STXBP5L: variants seen among roughly 807,000 people sequenced by gnomAD.
STXBP5L encodes syntaxin binding protein 5L, also known as syntaxin-binding protein 5-like.
In STXBP5L, 65 loss-of-function variants were observed where a neutral mutation model predicts 144.5. The observed-to-expected ratio is 0.45, with a 90% CI of 0.37 to 0.55. The LOEUF (loss-of-function observed/expected upper bound fraction) is 0.55, where lower values mean the gene tolerates loss of function less well. Ranked by LOEUF, STXBP5L falls within the 20% of genes least tolerant of loss-of-function variation. The pLI is 0.00. For missense variants in STXBP5L, 1,298 were observed against 1,405.5 expected (o/e 0.92, Z 1.22); for synonymous variants, 505 against 469.6 (o/e 1.08, Z -0.97).
At chr3:121,289,188 G>A (rs2051333325) in intron 19 of STXBP5L, among the ~76,000 whole-genome samples, 1 of 152,080 alleles carries the variant, frequency 6.6e-6, no homozygotes, top group African/African-American at 2.4e-5. Flanking sequence ...GACACCAAAA[G>A]TGAGCAGGAG....
chr3:121,045,059 A>G (rs989354993), intron 4 of STXBP5L, among the ~76,000 whole-genome samples: 1 of 152,166 alleles, frequency 6.6e-6, no homozygotes, highest in Non-Finnish European at 1.5e-5. Flanking sequence ...ACTGCATTGA[A>G]TATTTTCTTC....
intron 18 of STXBP5L, among the ~76,000 whole-genome samples, chr3:121,268,556 A>C (rs947880875): frequency 5.3e-5 from 8 of 152,064 alleles, no homozygotes; most frequent in Non-Finnish European, 1.0e-4. Flanking sequence ...AAGTATAATA[A>C]AAAAAGAATA....
chr3:121,123,365 G>T (rs1295824809), intron 7 of STXBP5L, among the ~76,000 whole-genome samples: 3 of 151,632 alleles, frequency 2.0e-5, no homozygotes, highest in East Asian at 1.9e-4. Context: ...GTGACTAATG[G>T]TGCAAACTAT....
At chr3:121,324,899 G>A (rs996021195) in intron 20 of STXBP5L, among the ~76,000 whole-genome samples, 2 of 151,854 alleles carry the variant, frequency 1.3e-5, no homozygotes, top group Non-Finnish European at 1.5e-5. Flanking sequence ...TCGCGGGTAC[G>A]GTCAATAGAG....
At chr3:121,143,684 G>A (rs765153452) in intron 7 of STXBP5L, among the ~76,000 whole-genome samples, 72 of 151,964 alleles carry the variant, frequency 4.7e-4, no homozygotes, top group Admixed American at 1.0e-3. Context: ...TGACAAGGGT[G>A]CCAAGAATAC....
chr3:121,419,168 C>G lies in STXBP5L; in HGVS notation c.*71C>G, dbSNP rs6782033. 1.4e-6 allele frequency: 2 copies of G among 1,460,730 alleles called. No individual in the cohort carries two copies. The highest frequency in any genetic ancestry group is 1.9e-6 in the Non-Finnish European group (2 of 1,060,734). 90.5% of individuals were successfully genotyped at this position (1,460,730 alleles called of 1,614,324 possible). ...ACCAAATTTATTCCCAGCATCACTA[C>G]TCAACTGCTAGAAGCCAGTTTCTTC... On this transcript the variant is annotated 3_prime_UTR_variant, in exon 27 of 27. Coordinates refer to ENST00000471454, the MANE Select transcript of STXBP5L (RefSeq NM_001308330.2).
chr3:121,075,628 C>A (rs1209078555), intron 5 of STXBP5L, among the ~76,000 whole-genome samples: 1 of 152,204 alleles, frequency 6.6e-6, no homozygotes, highest in Non-Finnish European at 1.5e-5. Context: ...GCGTGTAAAG[C>A]CAGTAAGACT....
intron 15 of STXBP5L, among the ~76,000 whole-genome samples, chr3:121,252,203 A>T (rs1423659146): frequency 2.0e-5 from 3 of 151,922 alleles, no homozygotes; most frequent in African/African-American, 7.3e-5. Flanking sequence ...CTACTAAAAA[A>T]TATATAATAT....
At chr3:121,392,540 G>A (rs1280877835) in intron 22 of STXBP5L, among the ~76,000 whole-genome samples, 6 of 152,082 alleles carry the variant, frequency 3.9e-5, no homozygotes, top group African/African-American at 7.2e-5. Flanking sequence ...CTTGGAACAC[G>A]CCCGCAGTCT....
chr3:120,964,605 T>A (rs1270981644), intron 3 of STXBP5L, among the ~76,000 whole-genome samples: 1 of 152,214 alleles, frequency 6.6e-6, no homozygotes, highest in Non-Finnish European at 1.5e-5. Context: ...TAATCCTGAG[T>A]TCTAATTTGA....
At position 121,419,365 on chromosome 3, in the gene STXBP5L, A is replaced by G. The variant is rs1054699266; in HGVS notation, c.*268A>G. On this transcript the variant is annotated 3_prime_UTR_variant, in exon 27 of 27. Transcript: ENST00000471454. ...TTGGCATGTCATTCGATAAGGATTT[A>G]TATTTAGTAACTACGGGGAGTCCTC... 1.5e-5 allele frequency: 5 copies of G among 331,190 alleles called. No homozygotes were observed. The highest frequency in any genetic ancestry group is 2.7e-5 in the Non-Finnish European group (5 of 184,262). The allele number at this position is 331,190 out of a possible 1,614,324, so 20.5% of individuals were successfully genotyped here.
At chr3:121,110,561 C>CT (rs1559758001) in intron 5 of STXBP5L, among the ~76,000 whole-genome samples, 1 of 152,228 alleles carries the variant, frequency 6.6e-6, no homozygotes, top group Non-Finnish European at 1.5e-5. Flanking sequence ...GGCCCCTGAT[C>CT]TTTTTTGGCT....
intron 3 of STXBP5L, among the ~76,000 whole-genome samples, chr3:121,004,762 C>A (rs146397146): frequency 0.029 from 4,382 of 152,024 alleles, 94 homozygotes; most frequent in Non-Finnish European, 0.041. Context: ...TAGCATGAAG[C>A]GTTGTTGAAT....
chr3:121,185,056 G>T (rs2047318400), intron 9 of STXBP5L, among the ~76,000 whole-genome samples: 1 of 152,172 alleles, frequency 6.6e-6, no homozygotes, highest in Non-Finnish European at 1.5e-5. Flanking sequence ...GCTCCTGAAA[G>T]AAGCACTGAA....
In STXBP5L at chr3:121,073,485, C is replaced by T. The variant is rs575325667; in HGVS notation, c.470+27950C>T. Among the ~76,000 whole-genome samples, 7 of 152,276 alleles carry T rather than the reference C, an allele frequency of 4.6e-5. No homozygotes were observed. The East Asian group carries it at 1.4e-3, about 29-fold the overall frequency. On this transcript the variant is annotated intron_variant, in intron 5 of 26. Coordinates refer to ENST00000471454, the MANE Select transcript of STXBP5L (RefSeq NM_001308330.2). ...AATGCCTTGAAACAGGGTGGCCATC[C>T]CATAGCCACCAGGTCTAGACACTTG...
intron 6 of STXBP5L, among the ~76,000 whole-genome samples, chr3:121,116,883 AG>A (rs2044253845): frequency 6.6e-6 from 1 of 152,012 alleles, no homozygotes; most frequent in Non-Finnish European, 1.5e-5. Context: ...GAGAAGATTC[AG>A]TTATAAAACT....
intron 3 of STXBP5L, among the ~76,000 whole-genome samples, chr3:120,976,235 C>G (rs1003753534): frequency 2.0e-5 from 3 of 152,142 alleles, no homozygotes; most frequent in South Asian, 2.1e-4. Flanking sequence ...TGTTATTAGT[C>G]TATTCAGAGA....
At chr3:121,158,942 A>C (rs1348309890) in intron 9 of STXBP5L, 1 of 152,106 alleles carries the variant, frequency 6.6e-6, no homozygotes, top group Non-Finnish European at 1.5e-5. Context: ...CTGTTGAAAT[A>C]AAGTTCTGTT....
chr3:121,091,038 T>C (rs1469461128), intron 5 of STXBP5L, among the ~76,000 whole-genome samples: 6 of 150,860 alleles, frequency 4.0e-5, no homozygotes, highest in Non-Finnish European at 7.4e-5. Flanking sequence ...GTGTGGTTTT[T>C]TGTTCTTGTG....
Sources: gnomAD v4.1 joint callset for allele counts (sites outside exome capture counted in the v4.1 genomes callset) on GRCh38, gnomAD v4.1.1 for gene constraint, MANE v1.5 for transcripts, NCBI Gene and HGNC (gene_info 2026-07-23, HGNC 2026-07-21) for gene names.